CRTAP: variants seen among roughly 807,000 people sequenced by gnomAD.
CRTAP encodes the protein cartilage associated protein.
CRTAP carries 33 observed loss-of-function variants against 42.7 expected under a neutral mutation model. That is an observed-to-expected ratio of 0.77 (90% CI 0.59 to 1.03). The LOEUF (loss-of-function observed/expected upper bound fraction) is 1.03, where lower values mean the gene tolerates loss of function less well. Among genes scored for constraint, CRTAP ranks in the 50% least tolerant of loss-of-function variants. CRTAP has a pLI of 0.00. For synonymous variants in CRTAP, 243 were observed against 217.7 expected (o/e 1.12, Z -1.02); for missense variants, 613 against 533.9 (o/e 1.15, Z -1.46).
chr3:33,136,904 A>G (rs1464374915), intron 6 of CRTAP, among the ~76,000 whole-genome samples: 1 of 152,112 alleles, frequency 6.6e-6, no homozygotes, highest in Non-Finnish European at 1.5e-5. Flanking sequence ...TATCCAAACC[A>G]TATCAGGTAC....
rs1701313445 is a variant in CRTAP at position 33,114,271 on chromosome 3, G to A, written c.194G>A (p.Gly65Asp). ...YSGEHWAESV[G>D]YLEISLRLHR... ...GGCGAGCACTGGGCCGAGAGCGTGG[G>A]CTACCTGGAGATCAGCCTGCGGCTG... The change falls in exon 1 of 7, where the codon GGC (glycine) becomes GAC (aspartate). Residue 65 changes from glycine (G) to aspartate (D), a missense_variant. Gly to Asp is a moderately conservative substitution (Grantham distance 94). Coordinates refer to ENST00000320954, the MANE Select transcript of CRTAP (RefSeq NM_006371.5). 6.3e-7 allele frequency: 1 copy of A among 1,581,220 alleles called. No homozygotes were observed. Among genetic ancestry groups the A allele is most frequent in the Non-Finnish European group, 8.5e-7 (1 of 1,170,534 alleles).
At chr3:33,116,294 C>T (rs995245465) in intron 1 of CRTAP, among the ~76,000 whole-genome samples, 2 of 152,198 alleles carry the variant, frequency 1.3e-5, no homozygotes, top group Non-Finnish European at 2.9e-5. Context: ...CTCTTCAAAA[C>T]CCTTTACAGG....
Position 33,127,735 on chromosome 3 carries a change from A to C in CRTAP, c.794-2204A>C, listed in dbSNP as rs573207638. Among the ~76,000 whole-genome samples, 3 of 149,226 alleles carry C rather than the reference A, an allele frequency of 2.0e-5. No homozygotes were observed. The South Asian group carries it at 6.3e-4, about 31-fold the overall frequency. On this transcript the variant is annotated intron_variant, in intron 3 of 6. Transcript: ENST00000320954. Reference sequence around the variant, plus strand: ...AGTGCTAGGAGTACAGGCGTGAGCCACCGCACCCGGCCTATTATATTTTAT... The same window carrying C: ...AGTGCTAGGAGTACAGGCGTGAGCCCCCGCACCCGGCCTATTATATTTTAT...
At chr3:33,130,189 G>A in intron 4 of CRTAP, 122 bp downstream of exon 4, 1 of 964,012 alleles carries the variant, frequency 1.0e-6, no homozygotes, top group Non-Finnish European at 1.6e-6. Context: ...CAACCCTGGT[G>A]CTATGCTTTG....
chr3:33,142,507 T>C lies in CRTAP; in HGVS notation c.*59T>C. ...TCAGGAAACACAGATTCTTTGTCCTTTTCCCAACAGCCCAGGCTGTTGATA... is the reference window on the plus strand; with the variant it reads ...TCAGGAAACACAGATTCTTTGTCCTCTTCCCAACAGCCCAGGCTGTTGATA... On this transcript the variant is annotated 3_prime_UTR_variant, in exon 7 of 7. Coordinates refer to ENST00000320954, the MANE Select transcript of CRTAP (RefSeq NM_006371.5). The C allele has an allele frequency of 6.5e-7, 1 of 1,539,722 alleles. No homozygotes were observed. Among genetic ancestry groups the C allele is most frequent in the Non-Finnish European group, 9.0e-7 (1 of 1,112,588 alleles).
chr3:33,125,306 G>A (rs1387039457), intron 3 of CRTAP, among the ~76,000 whole-genome samples: 1 of 152,152 alleles, frequency 6.6e-6, no homozygotes, highest in African/African-American at 2.4e-5. Context: ...TTGTAAATAA[G>A]TCTGGGAATG....
chr3:33,132,506 A>G, intron 4 of CRTAP, 49 bp from the exon 5 acceptor site: 1 of 1,611,380 alleles, frequency 6.2e-7, no homozygotes, highest in Admixed American at 1.7e-5. Flanking sequence ...GAGAAATTAT[A>G]GGGTGTGGTT....
intron 3 of CRTAP, among the ~76,000 whole-genome samples, chr3:33,126,455 A>T (rs2030075386): frequency 6.6e-6 from 1 of 152,066 alleles, no homozygotes; most frequent in African/African-American, 2.4e-5. Flanking sequence ...GTAAATCGGT[A>T]ATTGGATGTA....
chr3:33,144,243 C>T lies in CRTAP; in HGVS notation c.*1795C>T, dbSNP rs988457484. On this transcript the variant is annotated 3_prime_UTR_variant, in exon 7 of 7. Coordinates refer to ENST00000320954, the MANE Select transcript of CRTAP (RefSeq NM_006371.5). ...TAATGATGACATTAAGGTTTTTGGCCTGAATAGCAGGAAAGATGGAGTTAC... is the reference window on the plus strand; with the variant it reads ...TAATGATGACATTAAGGTTTTTGGCTTGAATAGCAGGAAAGATGGAGTTAC... The T allele has an allele frequency of 2.6e-5, 4 of 152,074 alleles. No homozygotes were observed. Among genetic ancestry groups the T allele is most frequent in the African/African-American group, 7.3e-5 (3 of 41,366 alleles). The allele number at this position is 152,074 out of a possible 1,614,324, so 9.4% of individuals were successfully genotyped here.
intron 6 of CRTAP, among the ~76,000 whole-genome samples, chr3:33,136,312 TG>T (rs779275015): frequency 1.6e-4 from 24 of 152,242 alleles, no homozygotes; most frequent in Non-Finnish European, 3.1e-4. Flanking sequence ...GATGGATGTT[TG>T]GGTTGGTTCC....
chr3:33,136,197 C>A (rs2030414934), intron 6 of CRTAP, among the ~76,000 whole-genome samples: 1 of 152,190 alleles, frequency 6.6e-6, no homozygotes, highest in Non-Finnish European at 1.5e-5. Flanking sequence ...CATATGTTTT[C>A]AAAGTTCAGC....
Position 33,115,481 on chromosome 3 carries a change from C to G in CRTAP, c.471+933C>G, listed in dbSNP as rs1701332319. 2.0e-5 allele frequency: 3 copies of G among 152,002 alleles called. No individual in the cohort carries two copies. The South Asian group carries it at 6.2e-4, about 32-fold the overall frequency. 9.4% of individuals were successfully genotyped at this position (152,002 alleles called of 1,614,324 possible). A position where few individuals can be genotyped will look rare whatever the true frequency, so the allele number is the denominator to read the frequency against. On this transcript the variant is annotated intron_variant, in intron 1 of 6. Transcript: ENST00000320954. ...TAGCCACAAATTGCAGTTCTCTATCCTATGGGTTCTCACTCCGAGGACCCA... is the reference window on the plus strand; with the variant it reads ...TAGCCACAAATTGCAGTTCTCTATCGTATGGGTTCTCACTCCGAGGACCCA...
Position 33,124,482 on chromosome 3 carries a change from C to A in CRTAP, c.696C>A (p.Ala232=). The part of the protein sequence containing the change: ...WRTSITDMEL[A]LPDFFKAFYE... ...CATCCATCACAGACATGGAGCTGGCCCTTCCCGACTTCTTCAAAGCCTTTT... is the reference window on the plus strand; with the variant it reads ...CATCCATCACAGACATGGAGCTGGCACTTCCCGACTTCTTCAAAGCCTTTT... The change falls in exon 3 of 7, where the codon GCC becomes GCA. Residue 232 remains alanine, a synonymous_variant. Coordinates refer to ENST00000320954, the MANE Select transcript of CRTAP (RefSeq NM_006371.5). 1 of 1,614,220 alleles carries A rather than the reference C, an allele frequency of 6.2e-7. No homozygotes were observed. Among genetic ancestry groups the A allele is most frequent in the Non-Finnish European group, 8.5e-7 (1 of 1,180,044 alleles).
At chr3:33,116,799 T>C (rs1351776657) in intron 1 of CRTAP, among the ~76,000 whole-genome samples, 2 of 152,178 alleles carry the variant, frequency 1.3e-5, no homozygotes, top group African/African-American at 2.4e-5. Flanking sequence ...TATTGTATGG[T>C]GTATTTTTTC....
chr3:33,142,450 C>T lies in CRTAP; in HGVS notation c.*2C>T. On this transcript the variant is annotated 3_prime_UTR_variant, in exon 7 of 7. Transcript: ENST00000320954. ...TTGGAACTGGAGGAGACCAGCTAGCCCACAGCAACCAAAGAGACTTCCTCT... is the reference window on the plus strand; with the variant it reads ...TTGGAACTGGAGGAGACCAGCTAGCTCACAGCAACCAAAGAGACTTCCTCT... 1 of 1,613,948 alleles carries T rather than the reference C, an allele frequency of 6.2e-7. No individual in the cohort carries two copies. The highest frequency in any genetic ancestry group is 8.5e-7 in the Non-Finnish European group (1 of 1,179,828).
At chr3:33,126,279 T>C (rs2030069830) in intron 3 of CRTAP, among the ~76,000 whole-genome samples, 5 of 152,266 alleles carry the variant, frequency 3.3e-5, no homozygotes, top group Non-Finnish European at 7.3e-5. Flanking sequence ...TTCATCCATA[T>C]TGTGGCAAGT....
chr3:33,121,199 A>C (rs1002258408), intron 2 of CRTAP, among the ~76,000 whole-genome samples: 5 of 152,134 alleles, frequency 3.3e-5, no homozygotes, highest in African/African-American at 4.8e-5. Flanking sequence ...ACCTGAGGTC[A>C]GGAGTTTGAG....
intron 1 of CRTAP, among the ~76,000 whole-genome samples, chr3:33,114,968 CA>C (rs1307653469): frequency 6.6e-6 from 1 of 152,110 alleles, no homozygotes; most frequent in Non-Finnish European, 1.5e-5. Flanking sequence ...TTTGTTGAGA[CA>C]GGGTCTCACA....
At chr3:33,125,492 T>TTG (rs1491405059) in intron 3 of CRTAP, among the ~76,000 whole-genome samples, 1 of 16,402 alleles carries the variant, frequency 6.1e-5, no homozygotes, top group Non-Finnish European at 1.7e-4. Flanking sequence ...ACAAAGTAGG[T>TTG]TTTTTTTTTT....
Sources: gnomAD v4.1 joint callset for allele counts (sites outside exome capture counted in the v4.1 genomes callset) on GRCh38, gnomAD v4.1.1 for gene constraint, MANE v1.5 for transcripts, NCBI Gene and HGNC (gene_info 2026-07-23, HGNC 2026-07-21) for gene names.